THSD7B: variants seen among roughly 807,000 people sequenced by gnomAD.
THSD7B encodes the protein thrombospondin type 1 domain containing 7B.
Under a neutral mutation model 213.6 loss-of-function variants are expected in THSD7B, and 138 were observed. The observed-to-expected ratio is 0.65, with a 90% CI of 0.56 to 0.74. The LOEUF (loss-of-function observed/expected upper bound fraction) is 0.74, where lower values mean the gene tolerates loss of function less well. Ranked by LOEUF, THSD7B falls within the 30% of genes least tolerant of loss-of-function variation. THSD7B has a pLI of 0.00. For synonymous variants in THSD7B, 742 were observed against 687.0 expected, an observed-to-expected ratio of 1.08 and a Z score of -1.25; for missense variants, 1,931 against 1,991.5, an observed-to-expected ratio of 0.97 and a Z score of 0.58.
chr2:136,864,045 G>A (rs749600204), intron 1 of THSD7B, among the ~76,000 whole-genome samples: 22 of 152,242 alleles, frequency 1.4e-4, no homozygotes, highest in Non-Finnish European at 3.2e-4. Flanking sequence ...GCTTAGAGAG[G>A]AATGGCTACA....
At chr2:137,348,736 G>A (rs1684938434) in intron 12 of THSD7B, among the ~76,000 whole-genome samples, 1 of 74,206 alleles carries the variant, frequency 1.3e-5, no homozygotes, top group Non-Finnish European at 2.9e-5. Flanking sequence ...TTCCTTTTCA[G>A]TTTTACTAGG....
At chr2:137,021,394 A>T (rs1196593456) in intron 2 of THSD7B, among the ~76,000 whole-genome samples, 1 of 152,156 alleles carries the variant, frequency 6.6e-6, no homozygotes, top group Non-Finnish European at 1.5e-5. Context: ...TGGGCTTTTC[A>T]TGTAACCATT....
intron 18 of THSD7B, 125 bp from the exon 19 acceptor site, chr2:137,618,267 C>T: frequency 1.4e-6 from 1 of 714,242 alleles, no homozygotes; most frequent in Non-Finnish European, 2.3e-6. Flanking sequence ...CCCAAAGCTA[C>T]CTGGAAATGA....
chr2:137,641,691 G>A (rs72844554), intron 20 of THSD7B, among the ~76,000 whole-genome samples: 14,703 of 152,204 alleles, frequency 0.097, 917 homozygotes, highest in South Asian at 0.15. Context: ...TAATGCCTAG[G>A]AGGGGGCAGA....
At chr2:137,069,159 G>A (rs1687433298) in intron 3 of THSD7B, among the ~76,000 whole-genome samples, 1 of 151,880 alleles carries the variant, frequency 6.6e-6, no homozygotes, top group African/African-American at 2.4e-5. Context: ...TTTGACAGGA[G>A]TTTCTCTGAG....
At chr2:137,657,872 G>A (rs756871541) in intron 24 of THSD7B, among the ~76,000 whole-genome samples, 17 of 152,052 alleles carry the variant, frequency 1.1e-4, no homozygotes, top group Non-Finnish European at 2.2e-4. Context: ...ACGCCACCAC[G>A]CCCAGCTAAT....
At chr2:137,233,720 G>T (rs539259190) in intron 9 of THSD7B, among the ~76,000 whole-genome samples, 13 of 152,270 alleles carry the variant, frequency 8.5e-5, no homozygotes, top group African/African-American at 3.1e-4. Context: ...AAACGATCAA[G>T]AACAACTGCA....
At chr2:137,440,342 T>G (rs755575914) in intron 14 of THSD7B, among the ~76,000 whole-genome samples, 1 of 152,094 alleles carries the variant, frequency 6.6e-6, no homozygotes, top group Non-Finnish European at 1.5e-5. Context: ...GATTTCAGAC[T>G]AGAAAAAGTT....
Position 137,297,439 on chromosome 2 carries a change from CT to C in THSD7B, c.2500+21420del, listed in dbSNP as rs563563176. Among the ~76,000 whole-genome samples the C allele has an allele frequency of 2.0e-5, 3 of 146,946 alleles. No homozygotes were observed. In the South Asian group the frequency reaches 6.6e-4, roughly 32 times the overall value. On this transcript the variant is annotated intron_variant, in intron 12 of 27. Transcript: ENST00000409968. ...GGTCAAATTTGAAGGTTTTTTCTTT[CT>C]TTTTTTAAGCTGCAAATTCCAGGTA...
chr2:137,672,784 A>G (rs1021379149), intron 27 of THSD7B, among the ~76,000 whole-genome samples: 3 of 152,232 alleles, frequency 2.0e-5, no homozygotes, highest in Non-Finnish European at 4.4e-5. Context: ...AAAATGTCAA[A>G]AAAATAGCCT....
At chr2:137,203,803 TTGA>T (rs1318855761) in intron 7 of THSD7B, among the ~76,000 whole-genome samples, 2 of 151,992 alleles carry the variant, frequency 1.3e-5, no homozygotes, top group African/African-American at 2.4e-5. Context: ...TTAATTGGCA[TTGA>T]TTAAAAATTT....
chr2:137,477,308 C>A (rs1477994742), intron 15 of THSD7B, among the ~76,000 whole-genome samples: 1 of 152,010 alleles, frequency 6.6e-6, no homozygotes, highest in Non-Finnish European at 1.5e-5. Context: ...ATCTGTGTTA[C>A]CTTATGTGAA....
At chr2:137,260,453 T>TA (rs1298812161) in intron 10 of THSD7B, among the ~76,000 whole-genome samples, 2 of 152,110 alleles carry the variant, frequency 1.3e-5, no homozygotes, top group Non-Finnish European at 2.9e-5. Context: ...TTTGATTTGT[T>TA]AAAAAATTTC....
chr2:137,199,692 T>A (rs1166982941), intron 7 of THSD7B, among the ~76,000 whole-genome samples: 1 of 152,188 alleles, frequency 6.6e-6, no homozygotes, highest in Non-Finnish European at 1.5e-5. Context: ...AATACCATAT[T>A]GCATTTTTGC....
intron 1 of THSD7B, among the ~76,000 whole-genome samples, chr2:136,818,148 A>G (rs1273556536): frequency 2.0e-5 from 3 of 151,402 alleles, no homozygotes; most frequent in Non-Finnish European, 4.4e-5. Context: ...GAACCAACCC[A>G]AATGTCCATC....
chr2:137,075,094 G>T (rs1687590779), intron 3 of THSD7B, among the ~76,000 whole-genome samples: 1 of 152,104 alleles, frequency 6.6e-6, no homozygotes, highest in Non-Finnish European at 1.5e-5. Flanking sequence ...GAGTATCTTT[G>T]TGGCGTTCTG....
chr2:136,817,727 G>T (rs1191253607), intron 1 of THSD7B, among the ~76,000 whole-genome samples: 1 of 151,796 alleles, frequency 6.6e-6, no homozygotes, highest in Non-Finnish European at 1.5e-5. Flanking sequence ...CCATCAAAAA[G>T]TGGGCAAAGG....
At chr2:137,578,328 T>C (rs1167295166) in intron 17 of THSD7B, among the ~76,000 whole-genome samples, 1 of 152,208 alleles carries the variant, frequency 6.6e-6, no homozygotes, top group Non-Finnish European at 1.5e-5. Context: ...TAACTACTAA[T>C]TTGGACATTC....
At chr2:137,015,988 A>G (rs1321471210) in intron 2 of THSD7B, among the ~76,000 whole-genome samples, 1 of 152,194 alleles carries the variant, frequency 6.6e-6, no homozygotes, top group Non-Finnish European at 1.5e-5. Context: ...GTGAATGGTA[A>G]AACAGAATAA....
Sources: gnomAD v4.1 joint callset for allele counts (sites outside exome capture counted in the v4.1 genomes callset) on GRCh38, gnomAD v4.1.1 for gene constraint, MANE v1.5 for transcripts, NCBI Gene and HGNC (gene_info 2026-07-23, HGNC 2026-07-21) for gene names.